Variants in IGSF3 observed in about 807,000 individuals in gnomAD.
IGSF3 encodes immunoglobulin superfamily member 3.
Under a neutral mutation model 114.4 loss-of-function variants are expected in IGSF3, and 23 were observed. That is an observed-to-expected ratio of 0.20 (90% CI 0.14 to 0.28). The LOEUF (loss-of-function observed/expected upper bound fraction) is 0.28, where lower values mean the gene tolerates loss of function less well. IGSF3 is among the 10% of genes least tolerant of loss of function. The probability of loss-of-function intolerance (pLI) is 1.00; values close to 1 mark genes in which losing one functional copy is unlikely to be tolerated. For synonymous variants in IGSF3, 571 were observed against 645.2 expected (o/e 0.88, Z 1.74); for missense variants, 1,172 against 1,591.5 (o/e 0.74, Z 4.48).
At position 116,582,001 on chromosome 1, in the gene IGSF3, A is replaced by G. The variant is rs1659622223; in HGVS notation, c.2849-2124T>C. Among the ~76,000 whole-genome samples the G allele has an allele frequency of 1.3e-5, 2 of 152,222 alleles. No individual in the cohort carries two copies. Among genetic ancestry groups the G allele is most frequent in the African/African-American group, 4.8e-5 (2 of 41,454 alleles). On this transcript the variant is annotated intron_variant, in intron 9 of 10. Coordinates refer to ENST00000369486, the MANE Select transcript of IGSF3 (RefSeq NM_001007237.3). The surrounding 1 kb of genome is among the most constrained non-coding windows in gnomAD (Gnocchi z 4.7). ...TATCATGGCCAGGGGCAAGATGGCC[A>G]GAGACCATCAGTTGAGCTCCTCAGA...
In IGSF3 at chr1:116,625,574, C is replaced by T. The variant is rs1019751305; in HGVS notation, c.44-9117G>A. 3.9e-5 allele frequency among the ~76,000 whole-genome samples: 6 copies of T among 152,192 alleles called. No individual in the cohort carries two copies. The highest frequency in any genetic ancestry group is 2.1e-4 in the South Asian group (1 of 4,832). ...AGCCTAACAGAGGTAAGGAAGAAGA[C>T]GGATCAGATTTACGCTTTCGAATTA... On this transcript the variant is annotated intron_variant, in intron 2 of 10. Coordinates refer to ENST00000369486, the MANE Select transcript of IGSF3 (RefSeq NM_001007237.3). The surrounding 1 kb of genome is among the most constrained non-coding windows in gnomAD (Gnocchi z 4.7).
rs994543568 is a variant in IGSF3, at chr1:116,662,022, C to T, written c.43+4262G>A. Among the ~76,000 whole-genome samples, 1 of 151,958 alleles carries T rather than the reference C, an allele frequency of 6.6e-6. No homozygotes were observed. The highest frequency in any genetic ancestry group is 1.5e-5 in the Non-Finnish European group (1 of 67,996). ...TAGAGAGCATGCACATGGAGCAAGA[C>T]AGCAGGAGCTTGGAGCCCTAACACT... On this transcript the variant is annotated intron_variant, in intron 2 of 10. Transcript: ENST00000369486. The surrounding 1 kb of genome is among the most constrained non-coding windows in gnomAD (Gnocchi z 4.3).
chr1:116,600,904 A>G lies in IGSF3; in HGVS notation c.1625-559T>C, dbSNP rs184351916. 7.9e-5 allele frequency among the ~76,000 whole-genome samples: 12 copies of G among 152,230 alleles called. No individual in the cohort carries two copies. The East Asian group carries it at 2.3e-3, about 29-fold the overall frequency. ...TGGGGACCTCCAGTGGGGTGGGACA[A>G]TTATCCTAAATGCAGGGTTCTGCAG... is the stretch of plus-strand genomic sequence containing the variant. On this transcript the variant is annotated intron_variant, in intron 6 of 10. Coordinates refer to ENST00000369486, the MANE Select transcript of IGSF3 (RefSeq NM_001007237.3). This position sits in a 1 kb window ranked among gnomAD's most constrained non-coding sequence, Gnocchi z 5.5.
In IGSF3 at chr1:116,614,076, A is replaced by C; in HGVS notation, c.521T>G (p.Ile174Ser). Residue 174 changes from isoleucine to serine, a missense_variant, in exon 4 of 11, where the codon ATT becomes AGT. Around this residue, in one of 3 missense-constraint regions of IGSF3, gnomAD observed 736 missense variants for 1,042.0 expected, o/e 0.71. Transcript: ENST00000369486. The surrounding 1 kb of genome is among the most constrained non-coding windows in gnomAD (Gnocchi z 4.5). ...GGCCACAGACAGGTGGCTGTGCTGA[A>C]TGGTCTCTGAGGCCACCTCACAAGT... The part of the protein sequence containing the change: ...ELTCEVASET[I>S]QHSHLSVAWL... The C allele has an allele frequency of 6.2e-7, 1 of 1,614,132 alleles. No homozygotes were observed. Among genetic ancestry groups the C allele is most frequent in the Non-Finnish European group, 8.5e-7 (1 of 1,180,018 alleles).
rs763295548 is a variant in IGSF3, at chr1:116,616,395, A to C, written c.106T>G (p.Ser36Ala). ...QEGPLYRTEG[S>A]HITIWCNVSG... ...ACATTGCACCAGATAGTGATGTGGG[A>C]GCCCTCCGTGCGGTACAAGGGTCCT... Residue 36 changes from serine (S) to alanine (A), a missense_variant, in exon 3 of 11, where the codon TCC becomes GCC. Ser to Ala is a moderately conservative substitution (Grantham distance 99). This residue lies in a region of IGSF3 where 736 missense variants were observed against 1,042.0 expected (regional missense o/e 0.71). Coordinates refer to ENST00000369486, the MANE Select transcript of IGSF3 (RefSeq NM_001007237.3). This position sits in a 1 kb window ranked among gnomAD's most constrained non-coding sequence, Gnocchi z 6.6. 1.4e-5 allele frequency: 23 copies of C among 1,610,706 alleles called. No homozygotes were observed. The highest frequency in any genetic ancestry group is 4.5e-4 in the Middle Eastern group (2 of 4,432).
At chr1:116,663,426 C>T (rs1381937085) in intron 2 of IGSF3, among the ~76,000 whole-genome samples, 2 of 151,874 alleles carry the variant, frequency 1.3e-5, no homozygotes, top group African/African-American at 4.8e-5. Context: ...CAAATAGAGA[C>T]TTTACTACCC....
chr1:116,609,349 C>A (rs1183431151), intron 4 of IGSF3, among the ~76,000 whole-genome samples: 1 of 151,982 alleles, frequency 6.6e-6, no homozygotes, highest in Non-Finnish European at 1.5e-5. Flanking sequence ...CAGGCTCCAG[C>A]CATCCTCCCA....
At chr1:116,620,099 C>G (rs1443028622) in intron 2 of IGSF3, among the ~76,000 whole-genome samples, 1 of 152,096 alleles carries the variant, frequency 6.6e-6, no homozygotes, top group Non-Finnish European at 1.5e-5. Context: ...CATATTTGGT[C>G]TTTGTCCCCA....
Position 116,598,621 on chromosome 1 carries a change from A to C in IGSF3, c.2029+1320T>G, listed in dbSNP as rs903972856. ...GTGGCCACCTAAAGCAGTCAGGCAG[A>C]CTAGGTCAGGCACTAACCATGGCTG... On this transcript the variant is annotated intron_variant, in intron 7 of 10. Coordinates refer to ENST00000369486, the MANE Select transcript of IGSF3 (RefSeq NM_001007237.3). This position sits in a 1 kb window ranked among gnomAD's most constrained non-coding sequence, Gnocchi z 4.3. Among the ~76,000 whole-genome samples, 2 of 152,214 alleles carry C rather than the reference A, an allele frequency of 1.3e-5. No individual in the cohort carries two copies. The highest frequency in any genetic ancestry group is 4.8e-5 in the African/African-American group (2 of 41,462).
In IGSF3 at chr1:116,622,034, C is replaced by T. The variant is rs144071013; in HGVS notation, c.44-5577G>A. On this transcript the variant is annotated intron_variant, in intron 2 of 10. Coordinates refer to ENST00000369486, the MANE Select transcript of IGSF3 (RefSeq NM_001007237.3). ...ATGCAATTTTTGGAATATGCCTTGG[C>T]TCAGAAACCTACCTCTCTAGGCACA... is the stretch of plus-strand genomic sequence containing the variant. Among the ~76,000 whole-genome samples the T allele has an allele frequency of 1.7e-3, 262 of 152,268 alleles. 3 individuals are homozygous for T. In the East Asian group the frequency reaches 0.048, roughly 28 times the overall value.
chr1:116,643,432 G>A (rs183698915), intron 2 of IGSF3, among the ~76,000 whole-genome samples: 7 of 152,350 alleles, frequency 4.6e-5, no homozygotes, highest in Middle Eastern at 3.4e-3. Context: ...TCACTCCTCC[G>A]ACAGTCGTTT....
chr1:116,624,876 C>G lies in IGSF3; in HGVS notation c.44-8419G>C, dbSNP rs957748223. ...GGCAGGTGCTCCAGTCCAGAGCTGG[C>G]TCCAGCCAGGTCCACCTGCCACAAT... On this transcript the variant is annotated intron_variant, in intron 2 of 10. Coordinates refer to ENST00000369486, the MANE Select transcript of IGSF3 (RefSeq NM_001007237.3). The surrounding 1 kb of genome is among the most constrained non-coding windows in gnomAD (Gnocchi z 4.9). Among the ~76,000 whole-genome samples, 1 of 152,222 alleles carries G rather than the reference C, an allele frequency of 6.6e-6. No homozygotes were observed. Among genetic ancestry groups the G allele is most frequent in the African/African-American group, 2.4e-5 (1 of 41,444 alleles).
At chr1:116,637,159 A>C (rs1328891029) in intron 2 of IGSF3, among the ~76,000 whole-genome samples, 1 of 152,032 alleles carries the variant, frequency 6.6e-6, no homozygotes, top group Non-Finnish European at 1.5e-5. Context: ...CTAACCACTC[A>C]CCTAAGCTTG....
In IGSF3 at chr1:116,666,384, C is replaced by T; in HGVS notation, c.-58G>A. On this transcript the variant is annotated 5_prime_UTR_variant, in exon 2 of 11. Coordinates refer to ENST00000369486, the MANE Select transcript of IGSF3 (RefSeq NM_001007237.3). ...GCTTCCTCTTCTCCCAGCTCCTAAT[C>T]TCTCATTTCTGGCAATCCACTTATA... The T allele has an allele frequency of 6.6e-7, 1 of 1,522,158 alleles. No individual in the cohort carries two copies. The highest frequency in any genetic ancestry group is 1.4e-5 in the African/African-American group (1 of 73,234). The allele number at this position is 1,522,158 out of a possible 1,614,324, so 94.3% of individuals were successfully genotyped here.
rs1383168623 is a variant in IGSF3 at position 116,649,678 on chromosome 1, A to C, written c.43+16606T>G. ...AGCTTGAACTTGTCACTGGCCTTTT[A>C]CTTTCTTCCCCTTCCAAAGAACCTG... On this transcript the variant is annotated intron_variant, in intron 2 of 10. Coordinates refer to ENST00000369486, the MANE Select transcript of IGSF3 (RefSeq NM_001007237.3). This position sits in a 1 kb window ranked among gnomAD's most constrained non-coding sequence, Gnocchi z 4.5. Among the ~76,000 whole-genome samples, 1 of 152,076 alleles carries C rather than the reference A, an allele frequency of 6.6e-6. No individual in the cohort carries two copies. Among genetic ancestry groups the C allele is most frequent in the Non-Finnish European group, 1.5e-5 (1 of 68,018 alleles).
At position 116,615,685 on chromosome 1, in the gene IGSF3, G is replaced by A. The variant is rs1043567250; in HGVS notation, c.421+395C>T. On this transcript the variant is annotated intron_variant, in intron 3 of 10. Transcript: ENST00000369486. This position sits in a 1 kb window ranked among gnomAD's most constrained non-coding sequence, Gnocchi z 4.3. ...GTGCTTCCTGCTTCAGCAGTGCCCC[G>A]TGGGTCTCAGAGCTGCCCAAAGGCC... 1.4e-4 allele frequency among the ~76,000 whole-genome samples: 21 copies of A among 152,208 alleles called. No individual in the cohort carries two copies. Among genetic ancestry groups the A allele is most frequent in the Admixed American group, 4.6e-4 (7 of 15,278 alleles).
chr1:116,637,220 CT>C (rs1647874268), intron 2 of IGSF3, among the ~76,000 whole-genome samples: 1 of 152,198 alleles, frequency 6.6e-6, no homozygotes, highest in African/African-American at 2.4e-5. Flanking sequence ...CACATTCCCA[CT>C]AATGGCAGCC....
rs560953111 is a variant in IGSF3 at position 116,650,510 on chromosome 1, A to G, written c.43+15774T>C. 2.6e-5 allele frequency among the ~76,000 whole-genome samples: 4 copies of G among 152,324 alleles called. No individual in the cohort carries two copies. The South Asian group carries it at 6.2e-4, about 24-fold the overall frequency. On this transcript the variant is annotated intron_variant, in intron 2 of 10. Coordinates refer to ENST00000369486, the MANE Select transcript of IGSF3 (RefSeq NM_001007237.3). The surrounding 1 kb of genome is among the most constrained non-coding windows in gnomAD (Gnocchi z 5.0). ...GGGCCTCCAGGATGGGCTCAGCTCAATCAGCACGTACCCTAGAGCTGGAGG... is the reference window on the plus strand; with the variant it reads ...GGGCCTCCAGGATGGGCTCAGCTCAGTCAGCACGTACCCTAGAGCTGGAGG...
intron 2 of IGSF3, among the ~76,000 whole-genome samples, chr1:116,660,138 T>C (rs926514743): frequency 6.6e-6 from 1 of 152,220 alleles, no homozygotes; most frequent in African/African-American, 2.4e-5. Context: ...CCACCTGAAC[T>C]GGTCCTTAAA....
Sources: gnomAD v4.1 joint callset for allele counts (sites outside exome capture counted in the v4.1 genomes callset) on GRCh38, gnomAD v4.1.1 for gene constraint, gnomAD v4.1.1 regional missense constraint, Gnocchi (gnomAD v3.1) non-coding constraint, MANE v1.5 for transcripts, NCBI Gene and HGNC (gene_info 2026-07-23, HGNC 2026-07-21) for gene names.